TTN: variants seen among roughly 807,000 people sequenced by gnomAD.
The protein encoded by TTN is connectin.
Under a neutral mutation model 3,223.0 loss-of-function variants are expected in TTN, and 1,525 were observed. That is an observed-to-expected ratio of 0.47 (90% confidence interval 0.45 to 0.49). The LOEUF (loss-of-function observed/expected upper bound fraction) is 0.49, where lower values mean the gene tolerates loss of function less well. Among genes scored for constraint, TTN ranks in the 20% least tolerant of loss-of-function variants. The pLI is 0.00. For synonymous variants in TTN, 14,094 were observed against 15,161.0 expected (o/e 0.93, Z 5.17); for missense variants, 40,786 against 43,424.0 (o/e 0.94, Z 5.40).
In TTN at chr2:178,610,215, A is replaced by C. The variant is rs1301202997; in HGVS notation, c.51311T>G (p.Leu17104Arg). ...TATGAGATCCTTCACAGTCCATGAC[A>C]GTTTGTTCTCACCAGACATGACTGG... is the stretch of plus-strand genomic sequence containing the variant. ...YIPVMSGENK[L>R]SWTVKDLIPN... The change falls in exon 271 of 363, where the codon CTG becomes CGG. Residue 17104 changes from leucine to arginine, a missense_variant. Physicochemically the swap from Leu to Arg is moderately radical, Grantham distance 102. Transcript: ENST00000589042. 1.2e-6 allele frequency: 2 copies of C among 1,612,982 alleles called. No individual in the cohort carries two copies. The highest frequency in any genetic ancestry group is 4.5e-5 in the East Asian group (2 of 44,762).
Position 178,620,474 on chromosome 2 carries a change from G to C in TTN, c.46047C>G (p.Tyr15349Ter). The C allele has an allele frequency of 6.2e-7, 1 of 1,612,380 alleles. No homozygotes were observed. The highest frequency in any genetic ancestry group is 1.3e-5 in the African/African-American group (1 of 74,906). Residue 15349 changes from tyrosine to a stop codon, truncating the protein, a stop_gained, in exon 248 of 363, where the codon TAC (tyrosine) becomes TAG (stop). Coordinates refer to ENST00000589042, the MANE Select transcript of TTN (RefSeq NM_001267550.2). LOFTEE classifies it high-confidence loss of function. ...EEVPFDNRVS[Y>*]RVDKYKHMLT... The stretch of plus-strand genomic sequence containing the variant: ...ACATGTGCTTGTACTTATCAACTCT[G>C]TATGAGACACGGTTGTCAAAAGGCA...
At chr2:178,803,525 T>C (rs552562119) in intron 2 of TTN, among the ~76,000 whole-genome samples, 1 of 151,890 alleles carries the variant, frequency 6.6e-6, no homozygotes, top group South Asian at 2.1e-4. Flanking sequence ...AAGCAATGAT[T>C]ATATGATATT....
In TTN at chr2:178,739,166, T is replaced by G; in HGVS notation, c.14067A>C (p.Ser4689=). The change falls in exon 48 of 363, where the codon TCA becomes TCC. Residue 4689 remains serine (S), a synonymous_variant. Transcript: ENST00000589042. The part of the protein sequence containing the change: ...ALNDSGKTAT[S]AKLTVVKRAA... ...CTCTTTTTACTACAGTGAGTTTGGC[T>G]GAAGTTGCTGTTTTTCCGCTGTCAT... The G allele has an allele frequency of 6.6e-7, 1 of 1,515,682 alleles. No homozygotes were observed. The allele number at this position is 1,515,682 out of a possible 1,614,324, so 93.9% of individuals were successfully genotyped here.
At chr2:178,778,732 T>C in intron 24 of TTN, 142 bp downstream of exon 24, 2 of 1,176,524 alleles carry the variant, frequency 1.7e-6, no homozygotes, top group Non-Finnish European at 2.4e-6. Context: ...TAAAAACTTC[T>C]GGCAATTGTT....
At chr2:178,688,858 C>T (rs1296345384) in intron 125 of TTN, 80 bp from the exon 126 acceptor site, 5 of 1,199,638 alleles carry the variant, frequency 4.2e-6, no homozygotes, top group Non-Finnish European at 6.0e-6. Context: ...GGAAGAGTTG[C>T]ACAGTACACC....
rs878990074 is a variant in TTN at position 178,702,473 on chromosome 2, A to G, written c.30414T>C (p.Asn10138=). Residue 10138 remains asparagine, a synonymous_variant, in exon 107 of 363, where the codon AAT becomes AAC. Coordinates refer to ENST00000589042, the MANE Select transcript of TTN (RefSeq NM_001267550.2). ...DGRCHYMTIH[N]VTPDDEGVYS... ...AATCACCTTCATCGTCTGGGGTCAC[A>G]TTGTGGATGGTCATATAATGGCAGC... 7 of 1,613,808 alleles carry G rather than the reference A, an allele frequency of 4.3e-6. No individual in the cohort carries two copies. The highest frequency in any genetic ancestry group is 5.9e-6 in the Non-Finnish European group (7 of 1,179,880).
intron 1 of TTN, among the ~76,000 whole-genome samples, chr2:178,806,298 A>G (rs1014244840): frequency 6.6e-6 from 1 of 152,346 alleles, no homozygotes; most frequent in Admixed American, 6.5e-5. Flanking sequence ...ATATCTAAAA[A>G]TAGCTGTCCT....
chr2:178,669,639 T>C lies in TTN; in HGVS notation c.35423A>G (p.Lys11808Arg), dbSNP rs1485269788. ...EVPKKIVPEE[K>R]VREAVLKKPE... ...CTTTTTCAGAACAGCTTCACGAACT[T>C]TTTCTTCTGGGACAATTTTCTTGGG... Residue 11808 changes from lysine (K) to arginine (R), a missense_variant, in exon 158 of 363, where the codon AAA becomes AGA. Physicochemically the swap from Lys to Arg is conservative, Grantham distance 26 (BLOSUM62 2). Transcript: ENST00000589042. The C allele has an allele frequency of 6.2e-7, 1 of 1,612,448 alleles. No individual in the cohort carries two copies. The highest frequency in any genetic ancestry group is 1.7e-5 in the Admixed American group (1 of 60,000).
In TTN at chr2:178,795,263, A is replaced by G; in HGVS notation, c.915-11T>C. 6.2e-7 allele frequency: 1 copy of G among 1,613,810 alleles called. No homozygotes were observed. Among genetic ancestry groups the G allele is most frequent in the Non-Finnish European group, 8.5e-7 (1 of 1,179,738 alleles). ...GCTGGAGACACGGACCTGAAAACCA[A>G]AAGGCAGAGGTCAAGAATGTCAAAG... On this transcript the variant is annotated splice_polypyrimidine_tract_variant and intron_variant, in intron 6 of 362. Transcript: ENST00000589042.
chr2:178,796,560 T>C (rs182478052), intron 6 of TTN, among the ~76,000 whole-genome samples: 9 of 152,300 alleles, frequency 5.9e-5, no homozygotes, highest in Non-Finnish European at 1.2e-4. Flanking sequence ...AAGGGAAATC[T>C]AGGGAATAAG....
rs368366985 is a variant in TTN, at chr2:178,674,401, C to T, written c.34621G>A (p.Glu11541Lys). The T allele has an allele frequency of 6.5e-7, 1 of 1,549,858 alleles. No individual in the cohort carries two copies. Among genetic ancestry groups the T allele is most frequent in the African/African-American group, 1.4e-5 (1 of 72,808 alleles). The change falls in exon 151 of 363, where the codon GAG becomes AAG. Residue 11541 changes from glutamate to lysine, a missense_variant. Glu to Lys is a moderately conservative substitution (Grantham distance 56, BLOSUM62 1). Transcript: ENST00000589042. ...TCTGAAATAGGCTCTTCTTCAGGCT[C>T]CTCAGTCACTTTAAAAAGATTATTA... Reference protein sequence around the residue: ...EEVLPVEVTEEPEEEPISEEE... With the variant: ...EEVLPVEVTEKPEEEPISEEE...
chr2:178,579,225 G>C lies in TTN; in HGVS notation c.67805C>G (p.Ser22602Cys). 4.3e-6 allele frequency: 7 copies of C among 1,613,484 alleles called. No homozygotes were observed. The South Asian group carries it at 7.7e-5, about 18-fold the overall frequency. ...ATDTRVSVES[S>C]AVNTTLIVYD... ...CACTATAAGAGTTGTGTTAACCGCA[G>C]ATGACTCAACACTGACTCTAGTGTC... The change falls in exon 320 of 363, where the codon TCT becomes TGT. Residue 22602 changes from serine (S) to cysteine (C), a missense_variant. Physicochemically the swap from Ser to Cys is moderately radical, Grantham distance 112. Coordinates refer to ENST00000589042, the MANE Select transcript of TTN (RefSeq NM_001267550.2).
At chr2:178,785,280 T>A (rs73973149) in intron 15 of TTN, among the ~76,000 whole-genome samples, 2,159 of 152,322 alleles carry the variant, frequency 0.014, 54 homozygotes, top group African/African-American at 0.049. Context: ...AGTAAAACTA[T>A]GCTGTGTAAC....
chr2:178,551,164 C>T lies in TTN; in HGVS notation c.91367G>A (p.Gly30456Asp), dbSNP rs973729733. The T allele has an allele frequency of 6.2e-7, 1 of 1,613,444 alleles. No homozygotes were observed. The highest frequency in any genetic ancestry group is 1.3e-5 in the African/African-American group (1 of 74,854). The part of the protein sequence containing the change: ...PLRDGGSKIV[G>D]YSIEKRQGNE... Reference sequence around the variant, plus strand: ...TCCTTGCCGTTTCTCAATGCTATAGCCCACAATCTTACTGCCTCCATCACG... The same window carrying T: ...TCCTTGCCGTTTCTCAATGCTATAGTCCACAATCTTACTGCCTCCATCACG... Residue 30456 changes from glycine to aspartate, a missense_variant, in exon 336 of 363, where the codon GGC (glycine) becomes GAC (aspartate). Gly to Asp is a moderately conservative substitution (Grantham distance 94). Transcript: ENST00000589042.
At chr2:178,577,936 GTTTTCTTCATGTAAAACATGCACCTGGGT>G in intron 322 of TTN, 23 bp downstream of exon 322, 1 of 1,590,910 alleles carries the variant, frequency 6.3e-7, no homozygotes, top group Non-Finnish European at 8.6e-7. Flanking sequence ...ACAAATACCA[GTTTTCTTCATGTAAAACATGCACCTGGGT>G]TTTTCTTCAT....
rs55892928 is a variant in TTN, at chr2:178,565,810, G to A, written c.80322C>T (p.Ala26774=). The A allele has an allele frequency of 9.0e-4, 1,453 of 1,613,496 alleles. 9 individuals carry two copies. The East Asian group carries it at 0.016, about 18-fold the overall frequency. ...GVGVPVETVD[A]VKAAEPPSPP... is the part of the protein sequence containing the mutation. ...GGGAAGGAGGTTCAGCAGCTTTCAC[G>A]GCATCAACAGTTTCCACTGGAACAC... The change falls in exon 326 of 363, where the codon GCC becomes GCT. Residue 26774 remains alanine (A), a synonymous_variant. Coordinates refer to ENST00000589042, the MANE Select transcript of TTN (RefSeq NM_001267550.2).
In TTN at chr2:178,576,886, A is replaced by G; in HGVS notation, c.69412+37T>C. 6.2e-7 allele frequency: 1 copy of G among 1,605,286 alleles called. No individual in the cohort carries two copies. The highest frequency in any genetic ancestry group is 8.5e-7 in the Non-Finnish European group (1 of 1,177,202). ...CATGATTTCCTAAACTCTGCTATAA[A>G]TGTTTCCATGTCAATTCCCTCACAT... On this transcript the variant is annotated intron_variant, in intron 324 of 362. Coordinates refer to ENST00000589042, the MANE Select transcript of TTN (RefSeq NM_001267550.2). The surrounding 1 kb of genome is among the most constrained non-coding windows in gnomAD (Gnocchi z 4.3).
chr2:178,644,755 A>C (rs750544480), intron 217 of TTN, 139 bp from the exon 218 acceptor site: 31 of 600,826 alleles, frequency 5.2e-5, no homozygotes, highest in Non-Finnish European at 8.2e-5. Flanking sequence ...GCCTTCAAAG[A>C]ACATACAAGC....
At chr2:178,788,025 T>G (rs1409087956) in intron 13 of TTN, among the ~76,000 whole-genome samples, 5 of 152,096 alleles carry the variant, frequency 3.3e-5, no homozygotes, top group Admixed American at 6.5e-5. Flanking sequence ...ACTGTTCAAC[T>G]GGAGGATGGA....
Sources: gnomAD v4.1 joint callset for allele counts (sites outside exome capture counted in the v4.1 genomes callset) on GRCh38, gnomAD v4.1.1 for gene constraint, Gnocchi (gnomAD v3.1) non-coding constraint, MANE v1.5 for transcripts, NCBI Gene and HGNC (gene_info 2026-07-23, HGNC 2026-07-21) for gene names.